Variants in ZNF141 observed in about 807,000 individuals in gnomAD.
ZNF141 encodes the protein zinc finger protein 141.
A neutral mutation model predicts 11.3 loss-of-function variants in ZNF141; 7 were observed. That is an observed-to-expected ratio of 0.62 (90% CI 0.35 to 1.16). The LOEUF (loss-of-function observed/expected upper bound fraction) is 1.16, where lower values mean the gene tolerates loss of function less well. Among genes scored for constraint, ZNF141 ranks in the 50% most tolerant of loss-of-function variants. The pLI, the probability that ZNF141 is intolerant of heterozygous loss-of-function variation, is 0.02. For missense variants in ZNF141, 535 were observed against 554.0 expected, an observed-to-expected ratio of 0.97 and a Z score of 0.34; for synonymous variants, 183 against 190.7, an observed-to-expected ratio of 0.96 and a Z score of 0.33.
Position 384,169 on chromosome 4 carries a change from T to A in ZNF141, c.*10307T>A, listed in dbSNP as rs1244686362. 6.6e-6 allele frequency: 1 copy of A among 152,176 alleles called. No homozygotes were observed. The highest frequency in any genetic ancestry group is 1.5e-5 in the Non-Finnish European group (1 of 68,082). The allele number at this position is 152,176 out of a possible 1,614,324, so 9.4% of individuals were successfully genotyped here. ...AAAACACACAGTTCCAGCCTGGCAA[T>A]TAGGTCCAAAGATAAATAGCAAAAC... On this transcript the variant is annotated 3_prime_UTR_variant, in exon 4 of 4. Coordinates refer to ENST00000240499, the MANE Select transcript of ZNF141 (RefSeq NM_003441.4).
chr4:356,594 G>A (rs950695921), intron 3 of ZNF141, among the ~76,000 whole-genome samples: 6 of 151,986 alleles, frequency 3.9e-5, no homozygotes, highest in Non-Finnish European at 5.9e-5. Flanking sequence ...TTAGAGGTGT[G>A]AGCCACCGCA....
At chr4:366,534 C>A (rs936392003) in intron 3 of ZNF141, among the ~76,000 whole-genome samples, 10 of 152,168 alleles carry the variant, frequency 6.6e-5, no homozygotes, top group African/African-American at 2.4e-4. Flanking sequence ...GAACTACTGA[C>A]CTCGTGATCT....
chr4:374,638 GAGA>G lies in ZNF141; in HGVS notation c.*780_*782del, dbSNP rs1408126160. The G allele has an allele frequency of 6.7e-6, 1 of 148,732 alleles. No homozygotes were observed. Among genetic ancestry groups the G allele is most frequent in the Non-Finnish European group, 1.5e-5 (1 of 68,670 alleles). 9.2% of individuals were successfully genotyped at this position (148,732 alleles called of 1,614,324 possible). On this transcript the variant is annotated 3_prime_UTR_variant, in exon 4 of 4. Coordinates refer to ENST00000240499, the MANE Select transcript of ZNF141 (RefSeq NM_003441.4). ...AAGATTCATTCCACAAACTTACATT[GAGA>G]AGATATGAAAGATGAATATAAGAAT...
chr4:343,021 ATG>A (rs1553848760), intron 1 of ZNF141: 1 of 541,930 alleles, frequency 1.8e-6, no homozygotes, highest in Non-Finnish European at 2.7e-6. Flanking sequence ...AGTTCCTTGC[ATG>A]ATTAAAAAAG....
At chr4:349,730 C>T (rs1198233079) in intron 3 of ZNF141, among the ~76,000 whole-genome samples, 1 of 151,960 alleles carries the variant, frequency 6.6e-6, no homozygotes, top group Non-Finnish European at 1.5e-5. Flanking sequence ...GTGGGGTCTG[C>T]CTTTGATGAT....
chr4:384,579 T>G lies in ZNF141; in HGVS notation c.*10717T>G, dbSNP rs540626284. 1 of 152,288 alleles carries G rather than the reference T, an allele frequency of 6.6e-6. No homozygotes were observed. Among genetic ancestry groups the G allele is most frequent in the African/African-American group, 2.4e-5 (1 of 41,560 alleles). The allele number at this position is 152,288 out of a possible 1,614,324, so 9.4% of individuals were successfully genotyped here. A position where few individuals can be genotyped will look rare whatever the true frequency, so the allele number is the denominator to read the frequency against. On this transcript the variant is annotated 3_prime_UTR_variant, in exon 4 of 4. Transcript: ENST00000240499. ...TCCTTATAATGTTACTAACATGACA[T>G]AAATATTTTGGTTTTAGCTTCACTC... is the stretch of plus-strand genomic sequence containing the variant.
rs930335615 is a variant in ZNF141 at position 379,673 on chromosome 4, T to G, written c.*5811T>G. Among the ~76,000 whole-genome samples the G allele has an allele frequency of 1.3e-5, 2 of 152,234 alleles. No homozygotes were observed. Among genetic ancestry groups the G allele is most frequent in the Admixed American group, 1.3e-4 (2 of 15,278 alleles). On this transcript the variant is annotated 3_prime_UTR_variant, in exon 4 of 4. Coordinates refer to ENST00000240499, the MANE Select transcript of ZNF141 (RefSeq NM_003441.4). ...CAGGCGTGAGCCACTGCGCCCAGCC[T>G]CTATGGTTATTATATTACAAAAACA...
chr4:356,491 A>G (rs1680617172), intron 3 of ZNF141, among the ~76,000 whole-genome samples: 1 of 151,628 alleles, frequency 6.6e-6, no homozygotes, highest in Non-Finnish European at 1.5e-5. Flanking sequence ...ACACCCGGTT[A>G]ATTGTCTGTA....
chr4:383,873 A>G lies in ZNF141; in HGVS notation c.*10011A>G, dbSNP rs564123729. Reference sequence around the variant, plus strand: ...AGGAACCTCAAAAGGAGTACTTAAAACCCAGAAAACATTGTAACCGGGTCC... The same window carrying G: ...AGGAACCTCAAAAGGAGTACTTAAAGCCCAGAAAACATTGTAACCGGGTCC... On this transcript the variant is annotated 3_prime_UTR_variant, in exon 4 of 4. Coordinates refer to ENST00000240499, the MANE Select transcript of ZNF141 (RefSeq NM_003441.4). 6.6e-6 allele frequency: 1 copy of G among 152,320 alleles called. No individual in the cohort carries two copies. The highest frequency in any genetic ancestry group is 1.5e-5 in the Non-Finnish European group (1 of 68,058). 9.4% of individuals were successfully genotyped at this position (152,320 alleles called of 1,614,324 possible).
In ZNF141 at chr4:383,162, A is replaced by T; in HGVS notation, c.*9300A>T. On this transcript the variant is annotated 3_prime_UTR_variant, in exon 4 of 4. Transcript: ENST00000240499. ...GGAGAATAGCATCTGAGAAAAGCCA[A>T]AGTGCCTCAGTTTACAGACAGCTCA... The T allele has an allele frequency of 1.4e-6, 1 of 702,046 alleles. No individual in the cohort carries two copies. Among genetic ancestry groups the T allele is most frequent in the Non-Finnish European group, 2.6e-6 (1 of 384,668 alleles). The allele number at this position is 702,046 out of a possible 1,614,324, so 43.5% of individuals were successfully genotyped here.
At chr4:366,286 C>T (rs1553852914) in intron 3 of ZNF141, among the ~76,000 whole-genome samples, 2 of 152,050 alleles carry the variant, frequency 1.3e-5, no homozygotes, top group African/African-American at 4.8e-5. Flanking sequence ...ATTTTTATGT[C>T]TTTTTCAGTT....
At chr4:346,511 A>G (rs1243274167) in intron 3 of ZNF141, among the ~76,000 whole-genome samples, 1 of 152,206 alleles carries the variant, frequency 6.6e-6, no homozygotes, top group East Asian at 1.9e-4. Flanking sequence ...AGCATACATT[A>G]TAGTATTAAC....
Position 373,555 on chromosome 4 carries a change from GCA to G in ZNF141, c.1119_1120del (p.Lys374SerfsTer10). ...CGGCCCTACAAATGTGATGAATGTGGCAAAGCCTTTGGACGGTCCAGGGTCCT... is the reference window on the plus strand; with the variant it reads ...CGGCCCTACAAATGTGATGAATGTGGAAGCCTTTGGACGGTCCAGGGTCCT... On this transcript the variant is annotated frameshift_variant, in exon 4 of 4. Transcript: ENST00000240499. LOFTEE classifies it low-confidence loss of function (END_TRUNC). 1 of 1,613,518 alleles carries G rather than the reference GCA, an allele frequency of 6.2e-7. No individual in the cohort carries two copies. Among genetic ancestry groups the G allele is most frequent in the Non-Finnish European group, 8.5e-7 (1 of 1,179,814 alleles).
chr4:369,889 C>T (rs1412837790), intron 3 of ZNF141, among the ~76,000 whole-genome samples: 1 of 149,956 alleles, frequency 6.7e-6, no homozygotes, highest in East Asian at 2.0e-4. Flanking sequence ...GCCTCAGCCT[C>T]CTGAGTAGCT....
Position 375,126 on chromosome 4 carries a change from A to C in ZNF141, c.*1264A>C, listed in dbSNP as rs1006567560. 1 of 152,248 alleles carries C rather than the reference A, an allele frequency of 6.6e-6. No homozygotes were observed. Among genetic ancestry groups the C allele is most frequent in the South Asian group, 2.1e-4 (1 of 4,828 alleles). 9.4% of individuals were successfully genotyped at this position (152,248 alleles called of 1,614,324 possible). Reference sequence around the variant, plus strand: ...GAAATATAAAAAATATAGAAAAGTCATATCTCCTCACATTTTACTAACTAG... The same window carrying C: ...GAAATATAAAAAATATAGAAAAGTCCTATCTCCTCACATTTTACTAACTAG... On this transcript the variant is annotated 3_prime_UTR_variant, in exon 4 of 4. Transcript: ENST00000240499.
At position 382,138 on chromosome 4, in the gene ZNF141, G is replaced by A. The variant is rs1231936737; in HGVS notation, c.*8276G>A. Reference sequence around the variant, plus strand: ...TTTTTTTGTATTTTTAGTAGAGACGGGGTTTCACCATGTTAGCCAACAAGG... The same window carrying A: ...TTTTTTTGTATTTTTAGTAGAGACGAGGTTTCACCATGTTAGCCAACAAGG... On this transcript the variant is annotated 3_prime_UTR_variant, in exon 4 of 4. Coordinates refer to ENST00000240499, the MANE Select transcript of ZNF141 (RefSeq NM_003441.4). Among the ~76,000 whole-genome samples the A allele has an allele frequency of 3.1e-4, 47 of 151,902 alleles. No individual in the cohort carries two copies. The highest frequency in any genetic ancestry group is 5.3e-4 in the Non-Finnish European group (36 of 67,980).
chr4:381,701 G>T lies in ZNF141; in HGVS notation c.*7839G>T, dbSNP rs1396501309. On this transcript the variant is annotated 3_prime_UTR_variant, in exon 4 of 4. Coordinates refer to ENST00000240499, the MANE Select transcript of ZNF141 (RefSeq NM_003441.4). ...TGGGATTACAGGCGTGAGCCACCAT[G>T]CCCTCAAATATGCTTTCTTAGTACT... is the stretch of plus-strand genomic sequence containing the variant. Among the ~76,000 whole-genome samples the T allele has an allele frequency of 6.6e-6, 1 of 151,960 alleles. No homozygotes were observed. Among genetic ancestry groups the T allele is most frequent in the Non-Finnish European group, 1.5e-5 (1 of 67,996 alleles).
At chr4:372,264 C>G (rs1712105446) in intron 3 of ZNF141, among the ~76,000 whole-genome samples, 1 of 152,152 alleles carries the variant, frequency 6.6e-6, no homozygotes, top group Non-Finnish European at 1.5e-5. Context: ...TGTAAAGACA[C>G]TCAAAAGCCA....
Position 364,932 on chromosome 4 carries a change from C to A in ZNF141, c.227-7732C>A, listed in dbSNP as rs556093621. On this transcript the variant is annotated intron_variant, in intron 3 of 3. Transcript: ENST00000240499. ...CTTTTGTTCAGCTATGCCCTCCCCCCAGAGGTGGAATCTACAGAGGCAACT... is the reference window on the plus strand; with the variant it reads ...CTTTTGTTCAGCTATGCCCTCCCCCAAGAGGTGGAATCTACAGAGGCAACT... Among the ~76,000 whole-genome samples, 19 of 152,372 alleles carry A rather than the reference C, an allele frequency of 1.2e-4. No homozygotes were observed. The East Asian group carries it at 2.5e-3, about 20-fold the overall frequency.
Sources: gnomAD v4.1 joint callset for allele counts (sites outside exome capture counted in the v4.1 genomes callset) on GRCh38, gnomAD v4.1.1 for gene constraint, MANE v1.5 for transcripts, NCBI Gene and HGNC (gene_info 2026-07-23, HGNC 2026-07-21) for gene names.